PKNOX2: variants seen among roughly 807,000 people sequenced by gnomAD.
PKNOX2 encodes homeobox protein PKNOX2.
In PKNOX2, 14 loss-of-function variants were observed where a neutral mutation model predicts 53.1. The observed-to-expected ratio is 0.26, with a 90% confidence interval of 0.17 to 0.41. The LOEUF is 0.41. Among genes scored for constraint, PKNOX2 ranks in the 10% least tolerant of loss-of-function variants. The pLI, the probability that PKNOX2 is intolerant of heterozygous loss-of-function variation, is 1.00. For synonymous variants in PKNOX2, 257 were observed against 242.8 expected (o/e 1.06, Z -0.54); for missense variants, 496 against 602.8 (o/e 0.82, Z 1.85).
chr11:125,213,421 C>T (rs1470816391), intron 1 of PKNOX2, among the ~76,000 whole-genome samples: 3 of 152,126 alleles, frequency 2.0e-5, no homozygotes, highest in Non-Finnish European at 4.4e-5. Context: ...GCTTTGTAAA[C>T]TGTCAGTGCT....
In PKNOX2 at chr11:125,305,755, C is replaced by T. The variant is rs76593956; in HGVS notation, c.-129-26064C>T. ...AAGGGAGGGGAGAGAAGAGGCAAACCGACTGAAGTGTGGTGGTTATGACAC... is the reference window on the plus strand; with the variant it reads ...AAGGGAGGGGAGAGAAGAGGCAAACTGACTGAAGTGTGGTGGTTATGACAC... On this transcript the variant is annotated intron_variant, in intron 2 of 12. Coordinates refer to ENST00000298282, the MANE Select transcript of PKNOX2 (RefSeq NM_001382323.2). Among the ~76,000 whole-genome samples, 348 of 152,194 alleles carry T rather than the reference C, an allele frequency of 2.3e-3. 2 individuals carry two copies. The highest frequency in any genetic ancestry group is 7.9e-3 in the African/African-American group (330 of 41,524).
chr11:125,277,558 G>C (rs555536859), intron 2 of PKNOX2: 1 of 152,166 alleles, frequency 6.6e-6, no homozygotes, highest in Admixed American at 6.5e-5. Context: ...TGGGGTGCTC[G>C]CTTCAGCAGC....
intron 1 of PKNOX2, among the ~76,000 whole-genome samples, chr11:125,172,349 C>T (rs367714585): frequency 4.1e-4 from 63 of 152,304 alleles, no homozygotes; most frequent in Middle Eastern, 6.8e-3. Flanking sequence ...GTGCATGAGG[C>T]AAACAAATCA....
At chr11:125,284,860 C>T (rs1946798509) in intron 2 of PKNOX2, among the ~76,000 whole-genome samples, 1 of 152,106 alleles carries the variant, frequency 6.6e-6, no homozygotes, top group Non-Finnish European at 1.5e-5. Context: ...CCAAACCATT[C>T]TTGATTTCTG....
chr11:125,245,882 G>A (rs181511742), intron 2 of PKNOX2, among the ~76,000 whole-genome samples: 187 of 152,358 alleles, frequency 1.2e-3, no homozygotes, highest in African/African-American at 4.3e-3. Context: ...GTGATGCCAA[G>A]GCCTGGGAAA....
In PKNOX2 at chr11:125,328,080, G is replaced by A. The variant is rs536109712; in HGVS notation, c.-129-3739G>A. 1.2e-3 allele frequency among the ~76,000 whole-genome samples: 183 copies of A among 152,280 alleles called. 1 individual carries two copies. The highest frequency in any genetic ancestry group is 3.6e-3 in the African/African-American group (150 of 41,556). ...GAACACATGGCTATGGCAGGATGTC[G>A]AAGGGAGCCCTGGAACCCCAGCACC... On this transcript the variant is annotated intron_variant, in intron 2 of 12. Coordinates refer to ENST00000298282, the MANE Select transcript of PKNOX2 (RefSeq NM_001382323.2).
intron 1 of PKNOX2, among the ~76,000 whole-genome samples, chr11:125,224,749 A>G (rs1028916179): frequency 2.0e-5 from 3 of 152,190 alleles, no homozygotes; most frequent in African/African-American, 7.2e-5. Flanking sequence ...AGCATCCCAG[A>G]ACCATTCAGC....
intron 1 of PKNOX2, among the ~76,000 whole-genome samples, chr11:125,222,686 ATGTGTGTGTATGTG>A (rs1941306822): frequency 8.8e-6 from 1 of 113,542 alleles, no homozygotes; most frequent in African/African-American, 3.9e-5. Context: ...GTGTGTGCGT[ATGTGTGTGTATGTG>A]TGTGTGTGCT....
At chr11:125,316,329 C>T (rs941189212) in intron 2 of PKNOX2, among the ~76,000 whole-genome samples, 1 of 152,132 alleles carries the variant, frequency 6.6e-6, no homozygotes, top group Admixed American at 6.6e-5. Flanking sequence ...TGCACTGGGC[C>T]CCTAAAGACA....
At chr11:125,278,770 G>A (rs557456422) in intron 2 of PKNOX2, among the ~76,000 whole-genome samples, 20 of 152,292 alleles carry the variant, frequency 1.3e-4, no homozygotes, top group African/African-American at 4.8e-4. Flanking sequence ...AAGTAAAAAA[G>A]GCATTTAGAT....
chr11:125,424,386 G>A (rs1452533338), intron 10 of PKNOX2, among the ~76,000 whole-genome samples: 1 of 152,002 alleles, frequency 6.6e-6, no homozygotes, highest in Non-Finnish European at 1.5e-5. Flanking sequence ...TCTGAAATTG[G>A]GTACATCCCA....
intron 2 of PKNOX2, among the ~76,000 whole-genome samples, chr11:125,265,784 G>T (rs1005645841): frequency 6.6e-6 from 1 of 152,324 alleles, no homozygotes; most frequent in Admixed American, 6.5e-5. Context: ...AAGGAGAGAA[G>T]AAAATTCTGG....
At chr11:125,347,474 A>AT (rs199865833) in intron 3 of PKNOX2, among the ~76,000 whole-genome samples, 189 of 151,936 alleles carry the variant, frequency 1.2e-3, no homozygotes, top group African/African-American at 4.2e-3. Flanking sequence ...TGAGCTTGGT[A>AT]TTTTTTTTCT....
chr11:125,257,584 T>G (rs1180747110), intron 2 of PKNOX2, among the ~76,000 whole-genome samples: 1 of 152,212 alleles, frequency 6.6e-6, no homozygotes, highest in Non-Finnish European at 1.5e-5. Context: ...GTTAGTAACT[T>G]CTCTCAGCCT....
chr11:125,342,168 T>TC (rs1244213953), intron 3 of PKNOX2, among the ~76,000 whole-genome samples: 2 of 151,996 alleles, frequency 1.3e-5, no homozygotes, highest in African/African-American at 4.8e-5. Flanking sequence ...CTCTTGACTT[T>TC]TTTTTTTTTT....
At chr11:125,210,835 G>C (rs776589658) in intron 1 of PKNOX2, among the ~76,000 whole-genome samples, 4 of 152,198 alleles carry the variant, frequency 2.6e-5, no homozygotes, top group Non-Finnish European at 5.9e-5. Context: ...TCCTTTACAG[G>C]GGTAAAAGGA....
intron 1 of PKNOX2, among the ~76,000 whole-genome samples, chr11:125,183,931 GT>G (rs1956306517): frequency 6.6e-6 from 1 of 152,170 alleles, no homozygotes; most frequent in Non-Finnish European, 1.5e-5. Flanking sequence ...TATGTTTCCT[GT>G]GGGGGTTTCT....
intron 1 of PKNOX2, among the ~76,000 whole-genome samples, chr11:125,183,438 G>A (rs1341292712): frequency 1.8e-5 from 1 of 54,394 alleles, no homozygotes; most frequent in African/African-American, 6.3e-5. Context: ...GGATGGTCTC[G>A]ATCTCCTGAC....
At chr11:125,263,601 C>T (rs759002397) in intron 2 of PKNOX2, among the ~76,000 whole-genome samples, 50 of 152,202 alleles carry the variant, frequency 3.3e-4, no homozygotes, top group Non-Finnish European at 5.7e-4. Flanking sequence ...TAGCTCAGCC[C>T]AAGGGCATGT....
Sources: allele counts gnomAD v4.1 joint callset (sites outside exome capture counted in the v4.1 genomes callset), GRCh38; gene constraint gnomAD v4.1.1; transcripts MANE v1.5; gene names NCBI Gene and HGNC (gene_info 2026-07-23, HGNC 2026-07-21).